SLC6A20: variants seen among roughly 807,000 people sequenced by gnomAD.
The protein encoded by SLC6A20 is sodium- and chloride-dependent transporter XTRP3.
SLC6A20 carries 73 observed loss-of-function variants against 64.3 expected under a neutral mutation model. The ratio of observed to expected loss-of-function variants is 1.14; its 90% confidence interval spans 0.94 to 1.38. The LOEUF (loss-of-function observed/expected upper bound fraction) is 1.38. Ranked by LOEUF, SLC6A20 falls within the 40% of genes most tolerant of loss-of-function variation. SLC6A20 has a pLI of 0.00. For missense variants in SLC6A20, 725 were observed against 772.8 expected, an observed-to-expected ratio of 0.94 and a Z score of 0.73; for synonymous variants, 347 against 329.6, an observed-to-expected ratio of 1.05 and a Z score of -0.57.
intron 6 of SLC6A20, 22 bp from the exon 7 acceptor site, chr3:45,770,393 C>T (rs41289606): frequency 0.025 from 40,780 of 1,611,714 alleles, 598 homozygotes; most frequent in Non-Finnish European, 0.029. Flanking sequence ...ACCATCGGAT[C>T]GACCTTCACT....
Position 45,768,599 on chromosome 3 carries a change from ACAG to A in SLC6A20, c.1098+1607_1098+1609del, listed in dbSNP as rs561684650. 6.6e-5 allele frequency among the ~76,000 whole-genome samples: 10 copies of A among 152,320 alleles called. 1 individual carries two copies. In the South Asian group the frequency reaches 2.1e-3, roughly 32 times the overall value. The stretch of plus-strand genomic sequence containing the variant: ...AGCAGGCTCATGCCACAGGCCAATA[ACAG>A]GCATGGAGCTAGGGCTGAACAACCA... On this transcript the variant is annotated intron_variant, in intron 7 of 10. Coordinates refer to ENST00000358525, the MANE Select transcript of SLC6A20 (RefSeq NM_020208.4).
At chr3:45,792,873 CT>C (rs1700279509) in intron 1 of SLC6A20, among the ~76,000 whole-genome samples, 1 of 152,216 alleles carries the variant, frequency 6.6e-6, no homozygotes, top group Admixed American at 6.5e-5. Flanking sequence ...TGGGACCCTA[CT>C]GCCGGGCCTG....
intron 7 of SLC6A20, among the ~76,000 whole-genome samples, chr3:45,766,948 C>T (rs576701232): frequency 8.5e-5 from 13 of 152,152 alleles, no homozygotes; most frequent in African/African-American, 2.4e-4. Flanking sequence ...GATCAGCCTG[C>T]GCAACATAGC....
At chr3:45,792,656 G>T (rs1314943646) in intron 1 of SLC6A20, among the ~76,000 whole-genome samples, 2 of 152,178 alleles carry the variant, frequency 1.3e-5, no homozygotes, top group African/African-American at 4.8e-5. Flanking sequence ...TCCCAGGCTG[G>T]GTGCTGGCCT....
chr3:45,758,659 T>C lies in SLC6A20; in HGVS notation c.*319A>G. 1 of 1,160,608 alleles carries C rather than the reference T, an allele frequency of 8.6e-7. No homozygotes were observed. 71.9% of individuals were successfully genotyped at this position (1,160,608 alleles called of 1,614,324 possible). On this transcript the variant is annotated 3_prime_UTR_variant, in exon 11 of 11. Transcript: ENST00000358525. Reference sequence around the variant, plus strand: ...TGCTTAAATTTGGTCCCATAAGAATTATAGTCATATTTCAGTTTGCAATGT... The same window carrying C: ...TGCTTAAATTTGGTCCCATAAGAATCATAGTCATATTTCAGTTTGCAATGT...
chr3:45,758,802 G>A lies in SLC6A20; in HGVS notation c.*176C>T, dbSNP rs1699594633. The A allele has an allele frequency of 1.5e-6, 2 of 1,354,206 alleles. No individual in the cohort carries two copies. Among genetic ancestry groups the A allele is most frequent in the Non-Finnish European group, 1.9e-6 (2 of 1,052,276 alleles). 83.9% of individuals were successfully genotyped at this position (1,354,206 alleles called of 1,614,324 possible). On this transcript the variant is annotated 3_prime_UTR_variant, in exon 11 of 11. Transcript: ENST00000358525. ...TGACAGGGAGGAACAGCCACCACGG[G>A]AGGGTGTGCGTTCTCCCAAGGGAGT...
intron 3 of SLC6A20, 84 bp from the exon 4 acceptor site, chr3:45,776,072 C>G: frequency 1.5e-6 from 2 of 1,338,504 alleles, no homozygotes; most frequent in Non-Finnish European, 2.1e-6. Context: ...TGGCCCTGAG[C>G]GGAGACTCTT....
At chr3:45,763,841 T>TAGC (rs760818379) in intron 8 of SLC6A20, among the ~76,000 whole-genome samples, 1 of 152,130 alleles carries the variant, frequency 6.6e-6, no homozygotes, top group Non-Finnish European at 1.5e-5. Flanking sequence ...CCCTTTCCAC[T>TAGC]AGCACACCGT....
chr3:45,793,714 T>C (rs1700296435), intron 1 of SLC6A20, among the ~76,000 whole-genome samples: 1 of 152,240 alleles, frequency 6.6e-6, no homozygotes, highest in South Asian at 2.1e-4. Flanking sequence ...CTGTGGTTTA[T>C]AAACAAATTC....
At chr3:45,785,484 T>C (rs945384584) in intron 1 of SLC6A20, among the ~76,000 whole-genome samples, 1 of 152,242 alleles carries the variant, frequency 6.6e-6, no homozygotes, top group Non-Finnish European at 1.5e-5. Context: ...GGATGCTTCC[T>C]GCCGTTGAAC....
chr3:45,782,637 A>ATCCC, intron 1 of SLC6A20, among the ~76,000 whole-genome samples: 1 of 147,190 alleles, frequency 6.8e-6, no homozygotes, highest in South Asian at 2.2e-4. Flanking sequence ...CCATCCATCC[A>ATCCC]TCCATCCATC....
Position 45,780,866 on chromosome 3 carries a change from C to A in SLC6A20, c.263-766G>T, listed in dbSNP as rs752870929. 2.6e-5 allele frequency among the ~76,000 whole-genome samples: 4 copies of A among 152,206 alleles called. No homozygotes were observed. In the South Asian group the frequency reaches 6.2e-4, roughly 24 times the overall value. The stretch of plus-strand genomic sequence containing the variant: ...TATAAACCAGGGCTTCCCCTCCCCA[C>A]CCCCACTCCACTCTGAGCACTGGTT... On this transcript the variant is annotated intron_variant, in intron 2 of 10. Coordinates refer to ENST00000358525, the MANE Select transcript of SLC6A20 (RefSeq NM_020208.4).
At chr3:45,762,885 T>C in intron 9 of SLC6A20, 28 bp downstream of exon 9, 2 of 1,612,328 alleles carry the variant, frequency 1.2e-6, no homozygotes, top group Middle Eastern at 1.7e-4. Context: ...GTTTTCCCTA[T>C]GCAAATGAGG....
At chr3:45,772,227 G>A (rs895112420) in intron 5 of SLC6A20, 15 of 376,970 alleles carry the variant, frequency 4.0e-5, no homozygotes, top group Non-Finnish European at 6.2e-5. Context: ...GTGAGGCAGT[G>A]GCAGGGGTGC....
At position 45,770,508 on chromosome 3, in the gene SLC6A20, A is replaced by G. The variant is rs148987069; in HGVS notation, c.936-137T>C. 2.2e-3 allele frequency: 2,351 copies of G among 1,056,074 alleles called. 35 individuals carry two copies. The South Asian group carries it at 0.024, about 11-fold the overall frequency. The allele number at this position is 1,056,074 out of a possible 1,614,324, so 65.4% of individuals were successfully genotyped here. A position where few individuals can be genotyped will look rare whatever the true frequency, so the allele number is the denominator to read the frequency against. On this transcript the variant is annotated intron_variant, in intron 6 of 10. Transcript: ENST00000358525. The stretch of plus-strand genomic sequence containing the variant: ...TGGTGATCTTTTAAAGGGCAGGGTA[A>G]TTTTGAATGGCACTGAAGAAGCCTC...
chr3:45,782,298 A>T, intron 1 of SLC6A20, 75 bp from the exon 2 acceptor site: 2 of 1,514,826 alleles, frequency 1.3e-6, no homozygotes, highest in South Asian at 2.6e-5. Flanking sequence ...CTCTGTGCAA[A>T]CATCCTTCCA....
intron 3 of SLC6A20, among the ~76,000 whole-genome samples, chr3:45,779,596 G>A (rs936612847): frequency 7.9e-5 from 12 of 152,184 alleles, no homozygotes; most frequent in Admixed American, 4.6e-4. Context: ...AGAAGGGGAC[G>A]GGGAGGAAGA....
At position 45,789,322 on chromosome 3, in the gene SLC6A20, CAAT is replaced by C. The variant is rs1353301180; in HGVS notation, c.121+6974_121+6976del. Among the ~76,000 whole-genome samples, 39 of 152,198 alleles carry C rather than the reference CAAT, an allele frequency of 2.6e-4. 1 individual carries two copies. The highest frequency in any genetic ancestry group is 8.4e-4 in the African/African-American group (35 of 41,520). ...TGTAAAAGATCAAAACAAAATCCAACAATAATAACTAACAAAAAGGAAAAGTAA... is the reference window on the plus strand; with the variant it reads ...TGTAAAAGATCAAAACAAAATCCAACAATAACTAACAAAAAGGAAAAGTAA... On this transcript the variant is annotated intron_variant, in intron 1 of 10. Coordinates refer to ENST00000358525, the MANE Select transcript of SLC6A20 (RefSeq NM_020208.4).
In SLC6A20 at chr3:45,756,648, A is replaced by G. The variant is rs531022908; in HGVS notation, c.*2330T>C. 6.6e-6 allele frequency: 1 copy of G among 152,346 alleles called. No homozygotes were observed. Among genetic ancestry groups the G allele is most frequent in the African/African-American group, 2.4e-5 (1 of 41,582 alleles). 9.4% of individuals were successfully genotyped at this position (152,346 alleles called of 1,614,324 possible). A position where few individuals can be genotyped will look rare whatever the true frequency, so the allele number is the denominator to read the frequency against. The stretch of plus-strand genomic sequence containing the variant: ...TCCCAGGTGAGTGTTTGTGTCTTCA[A>G]AGATATCTGTGCAAATATATCCACA... On this transcript the variant is annotated 3_prime_UTR_variant, in exon 11 of 11. Coordinates refer to ENST00000358525, the MANE Select transcript of SLC6A20 (RefSeq NM_020208.4).
Sources: allele counts gnomAD v4.1 joint callset (sites outside exome capture counted in the v4.1 genomes callset), GRCh38; gene constraint gnomAD v4.1.1; transcripts MANE v1.5; gene names NCBI Gene and HGNC (gene_info 2026-07-23, HGNC 2026-07-21).